The following NMNAT2 variants were observed in gnomAD, a reference collection of about 807,000 sequenced individuals.
The protein encoded by NMNAT2 is nicotinamide/nicotinic acid mononucleotide adenylyltransferase 2.
NMNAT2 carries 11 observed loss-of-function variants against 41.6 expected under a neutral mutation model. The ratio of observed to expected loss-of-function variants is 0.26; its 90% confidence interval spans 0.17 to 0.44. NMNAT2 has a LOEUF of 0.44. Ranked by LOEUF, NMNAT2 falls within the 20% of genes least tolerant of loss-of-function variation. The probability of loss-of-function intolerance (pLI) is 1.00; values close to 1 mark genes in which losing one functional copy is unlikely to be tolerated. For synonymous variants in NMNAT2, 148 were observed against 151.2 expected (o/e 0.98, Z 0.16); for missense variants, 288 against 407.7 (o/e 0.71, Z 2.53).
intron 1 of NMNAT2, among the ~76,000 whole-genome samples, chr1:183,317,173 G>C (rs1662271755): frequency 6.6e-6 from 1 of 152,254 alleles, no homozygotes; most frequent in South Asian, 2.1e-4. Flanking sequence ...GCCTCAGAGT[G>C]GGGTGGGCCT....
At chr1:183,379,377 C>T (rs1332332918) in intron 1 of NMNAT2, among the ~76,000 whole-genome samples, 2 of 151,948 alleles carry the variant, frequency 1.3e-5, no homozygotes, top group East Asian at 3.9e-4. Flanking sequence ...GATGAGGTCT[C>T]CCTATGTTGC....
chr1:183,362,076 T>C (rs1360032717), intron 1 of NMNAT2, among the ~76,000 whole-genome samples: 1 of 152,122 alleles, frequency 6.6e-6, no homozygotes. Flanking sequence ...GTAGCTGGGA[T>C]TACAGGCACC....
chr1:183,279,394 G>C (rs1281589142), intron 7 of NMNAT2, among the ~76,000 whole-genome samples: 1 of 152,234 alleles, frequency 6.6e-6, no homozygotes, highest in Non-Finnish European at 1.5e-5. Context: ...TCCTCACCCA[G>C]GATGTGGCTC....
At chr1:183,407,140 T>A (rs1648979145) in intron 1 of NMNAT2, among the ~76,000 whole-genome samples, 1 of 152,136 alleles carries the variant, frequency 6.6e-6, no homozygotes, top group East Asian at 1.9e-4. Flanking sequence ...TTAAACCCAC[T>A]TTTGCCTCAC....
At chr1:183,257,274 C>A (rs1047725379) in intron 10 of NMNAT2, among the ~76,000 whole-genome samples, 2 of 151,938 alleles carry the variant, frequency 1.3e-5, no homozygotes, top group African/African-American at 4.8e-5. Context: ...AACCCTGTCT[C>A]TACCAAAAAT....
chr1:183,291,979 C>A (rs1000351237), intron 3 of NMNAT2, among the ~76,000 whole-genome samples: 2 of 152,132 alleles, frequency 1.3e-5, no homozygotes, highest in Non-Finnish European at 2.9e-5. Context: ...TCCCGCCCAC[C>A]CCGCTCTTCC....
chr1:183,417,288 C>T (rs1489254257), intron 1 of NMNAT2, among the ~76,000 whole-genome samples: 1 of 152,158 alleles, frequency 6.6e-6, no homozygotes, highest in African/African-American at 2.4e-5. Flanking sequence ...CTCTCTGACT[C>T]CACGCCCCAA....
intron 1 of NMNAT2, among the ~76,000 whole-genome samples, chr1:183,415,581 G>A (rs993194387): frequency 1.3e-5 from 2 of 152,164 alleles, no homozygotes; most frequent in African/African-American, 2.4e-5. Flanking sequence ...GGAACATGAG[G>A]CTCAAGTCTC....
At chr1:183,256,869 A>G (rs1167968012) in intron 10 of NMNAT2, among the ~76,000 whole-genome samples, 1 of 152,022 alleles carries the variant, frequency 6.6e-6, no homozygotes, top group Non-Finnish European at 1.5e-5. Context: ...CTTCTGCCTC[A>G]GCCTCCCAAG....
chr1:183,289,300 C>A (rs1340165852), intron 4 of NMNAT2, among the ~76,000 whole-genome samples: 1 of 152,186 alleles, frequency 6.6e-6, no homozygotes, highest in Admixed American at 6.5e-5. Context: ...GGCTTCTCGC[C>A]ATCGGTGGCA....
At chr1:183,313,321 G>A (rs950740796) in intron 1 of NMNAT2, among the ~76,000 whole-genome samples, 1 of 152,194 alleles carries the variant, frequency 6.6e-6, no homozygotes, top group Non-Finnish European at 1.5e-5. Flanking sequence ...CTGAAGAGAG[G>A]GAGGTACCTG....
chr1:183,324,460 T>A (rs1662419516), intron 1 of NMNAT2, among the ~76,000 whole-genome samples: 1 of 152,274 alleles, frequency 6.6e-6, no homozygotes, highest in Admixed American at 6.5e-5. Context: ...TACCATACTA[T>A]TTCCTTTACT....
intron 1 of NMNAT2, among the ~76,000 whole-genome samples, chr1:183,366,552 A>C (rs1663417757): frequency 6.6e-6 from 1 of 152,220 alleles, no homozygotes; most frequent in African/African-American, 2.4e-5. Flanking sequence ...ATTTATAAAA[A>C]GTGTTATCAT....
At chr1:183,337,004 A>G (rs1012212556) in intron 1 of NMNAT2, among the ~76,000 whole-genome samples, 4 of 152,186 alleles carry the variant, frequency 2.6e-5, no homozygotes, top group African/African-American at 9.7e-5. Flanking sequence ...AAACTAATCT[A>G]TAGTGACAAA....
Position 183,354,977 on chromosome 1 carries a change from C to T in NMNAT2, c.86-61184G>A, listed in dbSNP as rs538695412. 5.9e-5 allele frequency among the ~76,000 whole-genome samples: 9 copies of T among 152,314 alleles called. No homozygotes were observed. In the South Asian group the frequency reaches 1.7e-3, roughly 28 times the overall value. On this transcript the variant is annotated intron_variant, in intron 1 of 10. Coordinates refer to ENST00000287713, the MANE Select transcript of NMNAT2 (RefSeq NM_015039.4). ...TATATCAGAACATGTCAATTTTCTG[C>T]TCAACAAAGGCTCCTTCCATTGTGC...
At chr1:183,399,862 GC>G (rs1336769151) in intron 1 of NMNAT2, among the ~76,000 whole-genome samples, 2 of 152,018 alleles carry the variant, frequency 1.3e-5, no homozygotes, top group Non-Finnish European at 2.9e-5. Context: ...AAATTCAACA[GC>G]CCTTCATGCT....
chr1:183,331,395 A>C (rs1325129238), intron 1 of NMNAT2, among the ~76,000 whole-genome samples: 3 of 152,160 alleles, frequency 2.0e-5, no homozygotes, highest in Non-Finnish European at 2.9e-5. Context: ...AGGGAGCTGG[A>C]GGGTGCGGCA....
intron 1 of NMNAT2, among the ~76,000 whole-genome samples, chr1:183,412,184 C>T (rs754532125): frequency 6.6e-6 from 1 of 152,158 alleles, no homozygotes; most frequent in Non-Finnish European, 1.5e-5. Flanking sequence ...CATGATCTGA[C>T]TTAGATTTGG....
chr1:183,349,863 C>T (rs1302913436), intron 1 of NMNAT2, among the ~76,000 whole-genome samples: 1 of 152,112 alleles, frequency 6.6e-6, no homozygotes, highest in African/African-American at 2.4e-5. Context: ...AGTAGGAAGC[C>T]CACCCCTCTG....
Sources: allele counts gnomAD v4.1 joint callset (sites outside exome capture counted in the v4.1 genomes callset), GRCh38; gene constraint gnomAD v4.1.1; transcripts MANE v1.5; gene names NCBI Gene and HGNC (gene_info 2026-07-23, HGNC 2026-07-21).